Variants in INTS14 observed in about 807,000 individuals in gnomAD.
INTS14 encodes integrator complex subunit 14, also known as UPF0464 protein C15orf44.
In INTS14, 27 loss-of-function variants were observed where a neutral mutation model predicts 56.9. That is an observed-to-expected ratio of 0.47 (90% CI 0.35 to 0.65). The LOEUF (loss-of-function observed/expected upper bound fraction) is 0.65, where lower values mean the gene tolerates loss of function less well. Among genes scored for constraint, INTS14 ranks in the 30% least tolerant of loss-of-function variants. INTS14 has a pLI of 0.00. For synonymous variants in INTS14, 207 were observed against 236.2 expected (o/e 0.88, Z 1.13); for missense variants, 517 against 632.2 (o/e 0.82, Z 1.95).
At chr15:65,610,677 G>C in intron 1 of INTS14, 1 of 1,535,622 alleles carries the variant, frequency 6.5e-7, no homozygotes, top group South Asian at 1.2e-5. Context: ...TGAATTTCTA[G>C]TGCCTCACCT....
intron 3 of INTS14, among the ~76,000 whole-genome samples, chr15:65,600,961 C>T (rs1367363846): frequency 1.3e-5 from 2 of 152,194 alleles, no homozygotes; most frequent in African/African-American, 4.8e-5. Flanking sequence ...TGGTACCTAA[C>T]ATAACAATGT....
intron 6 of INTS14, among the ~76,000 whole-genome samples, chr15:65,597,601 G>A (rs957305631): frequency 8.5e-5 from 13 of 152,178 alleles, no homozygotes; most frequent in African/African-American, 3.1e-4. Context: ...AGTGCTAGAA[G>A]AGTACACTAT....
Position 65,591,651 on chromosome 15 carries a change from C to A in INTS14, c.1067G>T (p.Gly356Val). The change falls in exon 9 of 12, where the codon GGC (glycine) becomes GTC (valine). Residue 356 changes from glycine to valine, a missense_variant. Coordinates refer to ENST00000313182, the MANE Select transcript of INTS14 (RefSeq NM_001394796.1). ...SNLMMSLFEPGPEPLPWLGKM... is the reference protein window; with the variant it reads ...SNLMMSLFEPVPEPLPWLGKM... ...CCCTAGCCATGGGAGAGGTTCTGGG[C>A]CAGGCTCAAAGAGAGACATCATGAG... 6.2e-7 allele frequency: 1 copy of A among 1,614,160 alleles called. No homozygotes were observed. Among genetic ancestry groups the A allele is most frequent in the Non-Finnish European group, 8.5e-7 (1 of 1,180,028 alleles).
Position 65,593,494 on chromosome 15 carries a change from G to C in INTS14, c.920C>G (p.Pro307Arg). 6.2e-7 allele frequency: 1 copy of C among 1,613,612 alleles called. No individual in the cohort carries two copies. Among genetic ancestry groups the C allele is most frequent in the South Asian group, 1.1e-5 (1 of 90,958 alleles). ...NSANQIAGKI[P>R]NFCVLLHGSL... ...ACCATGGAGCAGGACACAAAAGTTG[G>C]GTATTTTGCCTGCAATCTGATTGGC... The change falls in exon 8 of 12, where the codon CCC becomes CGC. Residue 307 changes from proline (P) to arginine (R), a missense_variant. Transcript: ENST00000313182.
At chr15:65,603,055 C>A (rs2073499355) in intron 3 of INTS14, among the ~76,000 whole-genome samples, 1 of 152,146 alleles carries the variant, frequency 6.6e-6, no homozygotes, top group Admixed American at 6.5e-5. Flanking sequence ...TCAGAAGATA[C>A]TGACAACAAA....
rs757730102 is a variant in INTS14 at position 65,584,767 on chromosome 15, T to C, written c.1239+3A>G. ...TGGAAAGCAACATAAATGGTAATGT[T>C]ACCTGCAGGCCGCTGGGTTTGATCC... On this transcript the variant is annotated splice_donor_region_variant and intron_variant, in intron 10 of 11. Coordinates refer to ENST00000313182, the MANE Select transcript of INTS14 (RefSeq NM_001394796.1). 1.2e-6 allele frequency: 2 copies of C among 1,610,904 alleles called. No homozygotes were observed. Among genetic ancestry groups the C allele is most frequent in the South Asian group, 2.2e-5 (2 of 90,434 alleles).
In INTS14 at chr15:65,598,356, T is replaced by C; in HGVS notation, c.713A>G (p.Glu238Gly). 6.2e-7 allele frequency: 1 copy of C among 1,614,096 alleles called. No individual in the cohort carries two copies. The highest frequency in any genetic ancestry group is 8.5e-7 in the Non-Finnish European group (1 of 1,179,974). Reference sequence around the variant, plus strand: ...GACTTTAGGGATAGGATCAATTTCTTCATCTACAACAAAAGGTTCTGGCCT... The same window carrying C: ...GACTTTAGGGATAGGATCAATTTCTCCATCTACAACAAAAGGTTCTGGCCT... Reference protein sequence around the residue: ...FPRPEPFVVDEEIDPIPKVIN... With the variant: ...FPRPEPFVVDGEIDPIPKVIN... Residue 238 changes from glutamate (E) to glycine (G), a missense_variant, in exon 6 of 12, where the codon GAA becomes GGA. Transcript: ENST00000313182.
chr15:65,602,162 C>T (rs1161907636), intron 3 of INTS14, among the ~76,000 whole-genome samples: 2 of 152,106 alleles, frequency 1.3e-5, no homozygotes, highest in East Asian at 3.9e-4. Context: ...ATCATTTGAG[C>T]CCGGAGGCAG....
At chr15:65,610,240 G>A (rs143058245) in intron 1 of INTS14, among the ~76,000 whole-genome samples, 1,812 of 152,230 alleles carry the variant, frequency 0.012, 45 homozygotes, top group African/African-American at 0.042. Context: ...TGCGCCTGTG[G>A]TTCTAGTACT....
At chr15:65,609,061 A>G (rs2073760124) in intron 1 of INTS14, among the ~76,000 whole-genome samples, 2 of 152,168 alleles carry the variant, frequency 1.3e-5, no homozygotes, top group South Asian at 4.1e-4. Context: ...CCAGGACTAC[A>G]GGCGCGTGTC....
intron 9 of INTS14, among the ~76,000 whole-genome samples, chr15:65,588,813 CTGAGG>C (rs2072922679): frequency 6.6e-6 from 1 of 152,148 alleles, no homozygotes; most frequent in Non-Finnish European, 1.5e-5. Flanking sequence ...CAACAACCCT[CTGAGG>C]TAAGTTTTAT....
At chr15:65,591,503 G>C in intron 9 of INTS14, 95 bp downstream of exon 9, 2 of 1,484,334 alleles carry the variant, frequency 1.3e-6, no homozygotes, top group South Asian at 1.3e-5. Context: ...ACCAGTAAGG[G>C]AGATCAATCA....
chr15:65,608,138 G>A (rs1445160086), intron 1 of INTS14, among the ~76,000 whole-genome samples: 1 of 152,100 alleles, frequency 6.6e-6, no homozygotes, highest in African/African-American at 2.4e-5. Flanking sequence ...CACTTTGAGA[G>A]GCCCAGGTGG....
At chr15:65,584,202 A>G (rs190729862) in intron 10 of INTS14, among the ~76,000 whole-genome samples, 1 of 152,226 alleles carries the variant, frequency 6.6e-6, no homozygotes, top group East Asian at 1.9e-4. Flanking sequence ...TCATTCCTTG[A>G]TAATCATATT....
At chr15:65,592,550 T>C (rs12906196) in intron 8 of INTS14, among the ~76,000 whole-genome samples, 85,865 of 152,008 alleles carry the variant, frequency 0.56, 26,752 homozygotes, top group African/African-American at 0.83. Context: ...AGAATCATGG[T>C]TCTTTCATTA....
At chr15:65,610,345 C>A (rs995845377) in intron 1 of INTS14, among the ~76,000 whole-genome samples, 1 of 152,096 alleles carries the variant, frequency 6.6e-6, no homozygotes, top group African/African-American at 2.4e-5. Context: ...GGCGACAGAG[C>A]GAGACTCCGT....
In INTS14 at chr15:65,605,149, C is replaced by G; in HGVS notation, c.310G>C (p.Gly104Arg). Reference protein sequence around the residue: ...GVCNIVQQEWGGAIPCQVVLV... With the variant: ...GVCNIVQQEWRGAIPCQVVLV... Reference sequence around the variant, plus strand: ...ATTACCTGGCAAGGAATTGCACCACCCCATTCTTGCTGAACGATATTGCAA... The same window carrying G: ...ATTACCTGGCAAGGAATTGCACCACGCCATTCTTGCTGAACGATATTGCAA... Residue 104 changes from glycine (G) to arginine (R), a missense_variant, in exon 3 of 12, where the codon GGT becomes CGT. Coordinates refer to ENST00000313182, the MANE Select transcript of INTS14 (RefSeq NM_001394796.1). 1 of 1,613,958 alleles carries G rather than the reference C, an allele frequency of 6.2e-7. No homozygotes were observed. Among genetic ancestry groups the G allele is most frequent in the Non-Finnish European group, 8.5e-7 (1 of 1,179,868 alleles).
intron 9 of INTS14, 150 bp downstream of exon 9, chr15:65,591,448 C>T: frequency 9.4e-7 from 1 of 1,059,276 alleles, no homozygotes. Flanking sequence ...AAACTCTCTT[C>T]AAGTTTTCAC....
chr15:65,605,853 AAGTC>A (rs1473357967), intron 2 of INTS14, among the ~76,000 whole-genome samples: 1 of 152,216 alleles, frequency 6.6e-6, no homozygotes, highest in African/African-American at 2.4e-5. Context: ...ACCTGTAAGA[AAGTC>A]AGCATATATA....
Sources: allele counts gnomAD v4.1 joint callset (sites outside exome capture counted in the v4.1 genomes callset), GRCh38; gene constraint gnomAD v4.1.1; transcripts MANE v1.5; gene names NCBI Gene and HGNC (gene_info 2026-07-23, HGNC 2026-07-21).